The following GLB1 variants were observed in gnomAD, a reference collection of about 807,000 sequenced individuals.
The protein encoded by GLB1 is beta-galactosidase.
Under a neutral mutation model 74.0 loss-of-function variants are expected in GLB1, and 56 were observed. That is an observed-to-expected ratio of 0.76 (90% CI 0.61 to 0.94). The LOEUF is 0.94. GLB1 is among the 40% of genes least tolerant of loss of function. GLB1 has a pLI of 0.00. For synonymous variants in GLB1, 323 were observed against 323.6 expected (o/e 1.00, Z 0.02); for missense variants, 787 against 845.5 (o/e 0.93, Z 0.86).
chr3:32,993,577 C>T (rs542796609), downstream of GLB1, among the ~76,000 whole-genome samples: 11 of 144,292 alleles, frequency 7.6e-5, no homozygotes, highest in South Asian at 1.8e-3. Flanking sequence ...TCTTGTCACC[C>T]GGGCTGGAGT....
At chr3:33,008,159 T>A (rs1287886196) in intron 15 of GLB1, among the ~76,000 whole-genome samples, 1 of 152,116 alleles carries the variant, frequency 6.6e-6, no homozygotes, top group African/African-American at 2.4e-5. Context: ...CACTTTTCCA[T>A]TGGTCTCTAC....
intron 13 of GLB1, among the ~76,000 whole-genome samples, 171 bp downstream of exon 13, chr3:33,018,277 C>CCCAG (rs1697317655): frequency 1.1e-5 from 1 of 94,234 alleles, no homozygotes; most frequent in African/African-American, 4.4e-5. Context: ...CAGAGCAAAA[C>CCCAG]CCTGTCTCAA....
chr3:32,997,490 G>T, intron 15 of GLB1, 146 bp from the exon 16 acceptor site: 1 of 1,383,860 alleles, frequency 7.2e-7, no homozygotes, highest in African/African-American at 1.4e-5. Flanking sequence ...GCCCATGCCA[G>T]CCTTGGTTTT....
intron 10 of GLB1, among the ~76,000 whole-genome samples, chr3:33,045,108 T>G (rs975983420): frequency 1.4e-4 from 21 of 152,344 alleles, no homozygotes; most frequent in African/African-American, 4.3e-4. Flanking sequence ...CGGCTACCAC[T>G]TATTAGACAT....
At chr3:32,978,087 C>G in the GLB1 span, among the ~76,000 whole-genome samples, 2 of 152,134 alleles carry the variant, frequency 1.3e-5, no homozygotes, top group African/African-American at 4.8e-5. Flanking sequence ...CGTTATGATA[C>G]TGTGGTTAAG....
At chr3:33,081,009 G>A (rs1423762649) in intron 1 of GLB1, among the ~76,000 whole-genome samples, 5 of 152,208 alleles carry the variant, frequency 3.3e-5, no homozygotes, top group Non-Finnish European at 7.3e-5. Flanking sequence ...TGGAGAGAGG[G>A]GGAGCAGTCG....
Position 33,006,202 on chromosome 3 carries a change from G to A in GLB1, c.1734+7854C>T, listed in dbSNP as rs58171191. Among the ~76,000 whole-genome samples, 276 of 152,276 alleles carry A rather than the reference G, an allele frequency of 1.8e-3. 1 individual carries two copies. Among genetic ancestry groups the A allele is most frequent in the African/African-American group, 6.3e-3 (261 of 41,542 alleles). ...AACCCCAGGCCACAGACTGGTCTGC[G>A]GCCTGTTAGGAACCGGGCCGCACAG... On this transcript the variant is annotated intron_variant, in intron 15 of 15. Transcript: ENST00000307363.
Position 33,053,342 on chromosome 3 carries a change from T to C in GLB1, c.792+149A>G, listed in dbSNP as rs1699076673. On this transcript the variant is annotated intron_variant, in intron 7 of 15. Transcript: ENST00000307363. ...AATAGAAACATTGTTTCTGCTGTCA[T>C]TCACATGTCCAGAATGGCTATGACT... The C allele has an allele frequency of 4.4e-6, 5 of 1,128,448 alleles. No homozygotes were observed. The South Asian group carries it at 5.2e-5, about 12-fold the overall frequency. 69.9% of individuals were successfully genotyped at this position (1,128,448 alleles called of 1,614,324 possible). A position where few individuals can be genotyped will look rare whatever the true frequency, so the allele number is the denominator to read the frequency against.
intron 5 of GLB1, among the ~76,000 whole-genome samples, chr3:33,063,030 C>T (rs1020900949): frequency 2.0e-5 from 3 of 152,172 alleles, no homozygotes; most frequent in African/African-American, 4.8e-5. Flanking sequence ...GCGACAGTGA[C>T]GGTTCTGAAA....
In GLB1 at chr3:33,093,758, G is replaced by A. The variant is rs1158328076; in HGVS notation, c.75+3253C>T. 2 of 1,613,738 alleles carry A rather than the reference G, an allele frequency of 1.2e-6. No homozygotes were observed. Among genetic ancestry groups the A allele is most frequent in the African/African-American group, 1.3e-5 (1 of 75,040 alleles). On this transcript the variant is annotated intron_variant, in intron 1 of 15. Transcript: ENST00000307363. The surrounding 1 kb of genome is among the most constrained non-coding windows in gnomAD (Gnocchi z 6.0). Reference sequence around the variant, plus strand: ...TGCCCACGACCCTACCACTGCGCCAGGCCAAGAGCTGGTAGGCCTGCTCCA... The same window carrying A: ...TGCCCACGACCCTACCACTGCGCCAAGCCAAGAGCTGGTAGGCCTGCTCCA...
At chr3:33,031,640 A>ATAT (rs1553608179) in intron 10 of GLB1, among the ~76,000 whole-genome samples, 1 of 35,776 alleles carries the variant, frequency 2.8e-5, no homozygotes. Context: ...AAAAAAAAAA[A>ATAT]ATATATATAT....
At chr3:33,084,792 G>GACC (rs778701305) in intron 1 of GLB1, among the ~76,000 whole-genome samples, 5 of 152,040 alleles carry the variant, frequency 3.3e-5, no homozygotes, top group Non-Finnish European at 5.9e-5. Context: ...ACACTACATT[G>GACC]ACCATATTTG....
the GLB1 span, among the ~76,000 whole-genome samples, chr3:32,976,541 C>T: frequency 6.6e-6 from 1 of 152,170 alleles, no homozygotes; most frequent in Non-Finnish European, 1.5e-5. Context: ...CATCCCAAAA[C>T]CTGGGTGGGG....
At chr3:33,047,408 C>T (rs1228304886) in intron 9 of GLB1, among the ~76,000 whole-genome samples, 1 of 152,110 alleles carries the variant, frequency 6.6e-6, no homozygotes, top group African/African-American at 2.4e-5. Flanking sequence ...ATTCCTAAGC[C>T]CCATCCCAGA....
At position 33,014,054 on chromosome 3, in the gene GLB1, A is replaced by G; in HGVS notation, c.1734+2T>C. Reference sequence around the variant, plus strand: ...TCAAACCCTTCCCATGAAGACACGTACCTTGGTCCATCCAGGAAACTGGAT... The same window carrying G: ...TCAAACCCTTCCCATGAAGACACGTGCCTTGGTCCATCCAGGAAACTGGAT... On this transcript the variant is annotated splice_donor_variant, in intron 15 of 15. Coordinates refer to ENST00000307363, the MANE Select transcript of GLB1 (RefSeq NM_000404.4). LOFTEE classifies it high-confidence loss of function. The G allele has an allele frequency of 6.2e-7, 1 of 1,614,212 alleles. No homozygotes were observed. Among genetic ancestry groups the G allele is most frequent in the South Asian group, 1.1e-5 (1 of 91,080 alleles).
chr3:32,993,461 T>G (rs370866255), downstream of GLB1, among the ~76,000 whole-genome samples: 1 of 149,394 alleles, frequency 6.7e-6, no homozygotes, highest in East Asian at 2.0e-4. Context: ...GCTCAAGTGA[T>G]CCTCCTACCT....
At chr3:33,018,924 C>T (rs1697356366) in intron 12 of GLB1, among the ~76,000 whole-genome samples, 1 of 152,012 alleles carries the variant, frequency 6.6e-6, no homozygotes, top group African/African-American at 2.4e-5. Flanking sequence ...GTAAAACCAA[C>T]AAAAAAACAA....
the GLB1 span, among the ~76,000 whole-genome samples, chr3:32,965,075 A>C: frequency 1.3e-5 from 2 of 152,142 alleles, no homozygotes; most frequent in Non-Finnish European, 2.9e-5. Flanking sequence ...TTCCTTTATA[A>C]ATTACCCAGT....
chr3:33,039,715 A>G (rs1454560131), intron 10 of GLB1, among the ~76,000 whole-genome samples: 1 of 152,242 alleles, frequency 6.6e-6, no homozygotes, highest in Admixed American at 6.5e-5. Flanking sequence ...TGGATGAGAT[A>G]ACAGCCAAGA....
Sources: allele counts gnomAD v4.1 joint callset (sites outside exome capture counted in the v4.1 genomes callset), GRCh38; gene constraint gnomAD v4.1.1; non-coding constraint Gnocchi (gnomAD v3.1); transcripts MANE v1.5; gene names NCBI Gene and HGNC (gene_info 2026-07-23, HGNC 2026-07-21).